RAPGEF4: variants seen among roughly 807,000 people sequenced by gnomAD.
RAPGEF4 encodes Rap guanine nucleotide exchange factor 4.
Under a neutral mutation model 147.9 loss-of-function variants are expected in RAPGEF4, and 66 were observed. The ratio of observed to expected loss-of-function variants is 0.45; its 90% CI spans 0.37 to 0.55. The LOEUF (loss-of-function observed/expected upper bound fraction) is 0.55, where lower values mean the gene tolerates loss of function less well. Among genes scored for constraint, RAPGEF4 ranks in the 20% least tolerant of loss-of-function variants. The pLI is 0.00. For synonymous variants in RAPGEF4, 419 were observed against 442.7 expected (o/e 0.95, Z 0.67); for missense variants, 1,071 against 1,257.3 (o/e 0.85, Z 2.24).
At chr2:172,947,276 C>A (rs1467388366) in intron 6 of RAPGEF4, among the ~76,000 whole-genome samples, 5 of 152,170 alleles carry the variant, frequency 3.3e-5, no homozygotes, top group South Asian at 4.2e-4. Context: ...AATAAAATAG[C>A]TGTAAAACAT....
At chr2:172,928,593 A>G (rs1317417284) in intron 6 of RAPGEF4, among the ~76,000 whole-genome samples, 2 of 152,194 alleles carry the variant, frequency 1.3e-5, no homozygotes, top group African/African-American at 2.4e-5. Context: ...ACTGTGAATT[A>G]CATTTGGTGA....
intron 3 of RAPGEF4, 91 bp downstream of exon 3, chr2:172,797,704 A>C (rs1414640952): frequency 1.0e-6 from 1 of 995,010 alleles, no homozygotes; most frequent in Non-Finnish European, 1.5e-6. Context: ...TTACATTTTC[A>C]AGTCCATTTC....
intron 5 of RAPGEF4, among the ~76,000 whole-genome samples, chr2:172,920,350 G>A (rs142652634): frequency 1.6e-4 from 24 of 152,020 alleles, no homozygotes; most frequent in African/African-American, 5.5e-4. Context: ...ACACCTAATA[G>A]CTGGCATGAT....
chr2:173,013,375 A>G (rs1033007962), intron 17 of RAPGEF4, among the ~76,000 whole-genome samples: 2 of 152,202 alleles, frequency 1.3e-5, no homozygotes, highest in Non-Finnish European at 2.9e-5. Context: ...AATCCTGGCC[A>G]TTTATGCTTC....
At chr2:172,967,689 G>T (rs1359636006) in intron 10 of RAPGEF4, among the ~76,000 whole-genome samples, 1 of 152,134 alleles carries the variant, frequency 6.6e-6, no homozygotes, top group Non-Finnish European at 1.5e-5. Flanking sequence ...AGTTGGCTCC[G>T]GCTGTCAAAA....
Position 172,736,588 on chromosome 2 carries a change from A to G in RAPGEF4, c.65+540A>G, listed in dbSNP as rs997232399. On this transcript the variant is annotated intron_variant, in intron 1 of 30. Coordinates refer to ENST00000397081, the MANE Select transcript of RAPGEF4 (RefSeq NM_007023.4). ...GTCGCTCGCTCAAGGTCTGTGTTAG[A>G]GAAGGTCATTTGGGAGGCTGCTTTC... Among the ~76,000 whole-genome samples the G allele has an allele frequency of 5.3e-5, 8 of 152,274 alleles. No individual in the cohort carries two copies. The East Asian group carries it at 1.2e-3, about 22-fold the overall frequency.
chr2:172,766,663 C>T (rs1357816980), intron 1 of RAPGEF4, among the ~76,000 whole-genome samples: 1 of 152,186 alleles, frequency 6.6e-6, no homozygotes, highest in East Asian at 1.9e-4. Flanking sequence ...CGTTATGTTC[C>T]CTGCCTCCAG....
chr2:172,876,657 T>C (rs1179671417), intron 4 of RAPGEF4, among the ~76,000 whole-genome samples: 1 of 152,158 alleles, frequency 6.6e-6, no homozygotes, highest in Admixed American at 6.5e-5. Context: ...TTGCCAGTAT[T>C]TTATTGAGGA....
chr2:172,736,101 C>A (rs915991729), intron 1 of RAPGEF4, 53 bp downstream of exon 1: 333 of 1,353,778 alleles, frequency 2.5e-4, no homozygotes, highest in Non-Finnish European at 3.0e-4. Flanking sequence ...GCTGCCCGGG[C>A]CCTGAGACCG....
At chr2:173,021,132 T>A (rs1434574064) in intron 23 of RAPGEF4, among the ~76,000 whole-genome samples, 5 of 152,218 alleles carry the variant, frequency 3.3e-5, no homozygotes, top group Non-Finnish European at 5.9e-5. Flanking sequence ...CCAAAAGCAC[T>A]TTCTCTACCT....
At chr2:173,012,367 C>T (rs1695109546) in intron 17 of RAPGEF4, among the ~76,000 whole-genome samples, 1 of 152,142 alleles carries the variant, frequency 6.6e-6, no homozygotes, top group African/African-American at 2.4e-5. Context: ...TAGGGGTTGG[C>T]ATTCCTCAGC....
At chr2:172,891,739 T>C (rs532531096) in intron 4 of RAPGEF4, among the ~76,000 whole-genome samples, 20 of 152,328 alleles carry the variant, frequency 1.3e-4, no homozygotes, top group African/African-American at 4.8e-4. Context: ...GAATGGGACT[T>C]GGTCTGCCTT....
At chr2:172,787,568 A>G (rs1317171340) in intron 1 of RAPGEF4, among the ~76,000 whole-genome samples, 1 of 151,762 alleles carries the variant, frequency 6.6e-6, no homozygotes, top group Non-Finnish European at 1.5e-5. Context: ...AGATAAATGA[A>G]GGTGACTGTT....
At chr2:172,927,987 T>C (rs1685546651) in intron 6 of RAPGEF4, among the ~76,000 whole-genome samples, 1 of 152,198 alleles carries the variant, frequency 6.6e-6, no homozygotes, top group African/African-American at 2.4e-5. Flanking sequence ...TGTCCTGATT[T>C]TGAAGGACAC....
At chr2:172,887,064 G>A (rs1424554693) in intron 4 of RAPGEF4, among the ~76,000 whole-genome samples, 1 of 152,058 alleles carries the variant, frequency 6.6e-6, no homozygotes, top group African/African-American at 2.4e-5. Flanking sequence ...ACACATGCCT[G>A]TAATCCCAGC....
chr2:172,741,237 G>T (rs1168322649), intron 1 of RAPGEF4, among the ~76,000 whole-genome samples: 2 of 152,214 alleles, frequency 1.3e-5, no homozygotes, highest in African/African-American at 4.8e-5. Context: ...GCACAAGTCC[G>T]ATTCCATTGT....
At chr2:172,957,356 T>C (rs1688844042) in intron 6 of RAPGEF4, among the ~76,000 whole-genome samples, 1 of 152,250 alleles carries the variant, frequency 6.6e-6, no homozygotes, top group Non-Finnish European at 1.5e-5. Context: ...GAAACTTTAC[T>C]TGAAAACCAA....
chr2:172,985,341 C>G (rs1692133873), intron 11 of RAPGEF4, 92 bp from the exon 12 acceptor site: 1 of 1,571,660 alleles, frequency 6.4e-7, no homozygotes, highest in Non-Finnish European at 8.7e-7. Context: ...AGCCCCGGGA[C>G]AGTTTGCATT....
intron 27 of RAPGEF4, among the ~76,000 whole-genome samples, chr2:173,035,104 G>A (rs540959158): frequency 6.6e-6 from 1 of 151,780 alleles, no homozygotes; most frequent in South Asian, 2.1e-4. Flanking sequence ...ACCAAGGCTG[G>A]AGTGCAGTGG....
Sources: gnomAD v4.1 joint callset for allele counts (sites outside exome capture counted in the v4.1 genomes callset) on GRCh38, gnomAD v4.1.1 for gene constraint, MANE v1.5 for transcripts, NCBI Gene and HGNC (gene_info 2026-07-23, HGNC 2026-07-21) for gene names.